KCNH1: variants seen among roughly 807,000 people sequenced by gnomAD.
KCNH1 encodes voltage-gated delayed rectifier potassium channel KCNH1.
A neutral mutation model predicts 69.2 loss-of-function variants in KCNH1; 27 were observed. The ratio of observed to expected loss-of-function variants is 0.39; its 90% CI spans 0.29 to 0.54. The LOEUF is 0.54. Ranked by LOEUF, KCNH1 falls within the 20% of genes least tolerant of loss-of-function variation. KCNH1 has a pLI of 0.68. For synonymous variants in KCNH1, 456 were observed against 487.7 expected (o/e 0.93, Z 0.86); for missense variants, 798 against 1,261.6 (o/e 0.63, Z 5.57).
intron 7 of KCNH1, among the ~76,000 whole-genome samples, chr1:210,872,258 G>A (rs1686269713): frequency 6.6e-6 from 1 of 151,210 alleles, no homozygotes; most frequent in Non-Finnish European, 1.5e-5. Context: ...TGACAATAAT[G>A]ATGATTAAAA....
intron 10 of KCNH1, among the ~76,000 whole-genome samples, chr1:210,698,443 C>T (rs1251042618): frequency 6.6e-6 from 1 of 152,126 alleles, no homozygotes; most frequent in East Asian, 1.9e-4. Flanking sequence ...AGAATAGATA[C>T]ACCATAACCA....
At chr1:210,725,528 C>T (rs1414798193) in intron 10 of KCNH1, among the ~76,000 whole-genome samples, 2 of 152,122 alleles carry the variant, frequency 1.3e-5, no homozygotes, top group African/African-American at 4.8e-5. Flanking sequence ...TCTCTCAACT[C>T]AGTCTGGGGG....
At chr1:210,987,817 C>A (rs1688869997) in intron 6 of KCNH1, among the ~76,000 whole-genome samples, 1 of 152,206 alleles carries the variant, frequency 6.6e-6, no homozygotes, top group Non-Finnish European at 1.5e-5. Context: ...AGCTGTCAGA[C>A]AGGGATATTT....
chr1:210,981,919 C>G (rs1177764467), intron 6 of KCNH1, among the ~76,000 whole-genome samples: 1 of 152,036 alleles, frequency 6.6e-6, no homozygotes, highest in Non-Finnish European at 1.5e-5. Flanking sequence ...TATGTGGGCA[C>G]ATGTGTGTTA....
At chr1:211,034,842 C>T (rs1172699293) in intron 5 of KCNH1, among the ~76,000 whole-genome samples, 1 of 152,162 alleles carries the variant, frequency 6.6e-6, no homozygotes, top group South Asian at 2.1e-4. Flanking sequence ...AGTAAACAGA[C>T]ACCTGCTGTT....
Position 210,775,335 on chromosome 1 carries a change from AC to A in KCNH1, c.2112+12del. On this transcript the variant is annotated intron_variant, in intron 10 of 10. Transcript: ENST00000271751. Reference sequence around the variant, plus strand: ...CTGTTCTTTGTGGAAAATAACTGAAACTTTTAGCTCACCCTCTTCCTCAAGT... The same window carrying A: ...CTGTTCTTTGTGGAAAATAACTGAAATTTTAGCTCACCCTCTTCCTCAAGT... The A allele has an allele frequency of 6.2e-7, 1 of 1,612,210 alleles. No individual in the cohort carries two copies. The highest frequency in any genetic ancestry group is 8.5e-7 in the Non-Finnish European group (1 of 1,178,534).
chr1:210,943,493 C>T (rs111496731), intron 6 of KCNH1, among the ~76,000 whole-genome samples: 9,046 of 152,046 alleles, frequency 0.059, 339 homozygotes, highest in East Asian at 0.18. Context: ...GGAATACCGG[C>T]GCACACCGCC....
Position 210,740,044 on chromosome 1 carries a change from T to A in KCNH1, c.2112+35304A>T, listed in dbSNP as rs548666446. On this transcript the variant is annotated intron_variant, in intron 10 of 10. Transcript: ENST00000271751. ...GGACTCTATAGAGTTAAATGTAGAG[T>A]GGCTAGAGGGACAGGAGCTAAGTAA... Among the ~76,000 whole-genome samples, 11 of 151,936 alleles carry A rather than the reference T, an allele frequency of 7.2e-5. No individual in the cohort carries two copies. The South Asian group carries it at 2.1e-3, about 29-fold the overall frequency.
At chr1:210,799,588 T>C (rs967865690) in intron 8 of KCNH1, among the ~76,000 whole-genome samples, 3 of 152,202 alleles carry the variant, frequency 2.0e-5, no homozygotes, top group African/African-American at 7.2e-5. Context: ...GCATTAAGTA[T>C]GGACACCTTC....
rs548903093 is a variant in KCNH1, at chr1:210,828,035, G to T, written c.1463-23869C>A. Among the ~76,000 whole-genome samples the T allele has an allele frequency of 4.6e-5, 7 of 152,164 alleles. No individual in the cohort carries two copies. The East Asian group carries it at 1.4e-3, about 30-fold the overall frequency. On this transcript the variant is annotated intron_variant, in intron 7 of 10. Transcript: ENST00000271751. ...TTTTTGTATTTTTATTAGAGATGCG[G>T]TTTCACCATGTTGGCCAGGCTGGTC...
chr1:211,096,338 A>G (rs1203656545), intron 3 of KCNH1, among the ~76,000 whole-genome samples: 1 of 152,060 alleles, frequency 6.6e-6, no homozygotes, highest in Non-Finnish European at 1.5e-5. Context: ...TGCTGTGATT[A>G]CAGGTGTGAG....
chr1:210,830,195 C>T (rs1685128256), intron 7 of KCNH1, among the ~76,000 whole-genome samples: 1 of 152,196 alleles, frequency 6.6e-6, no homozygotes, highest in South Asian at 2.1e-4. Flanking sequence ...CACTCCCTCT[C>T]CCTGAAATGC....
intron 5 of KCNH1, among the ~76,000 whole-genome samples, chr1:211,038,478 C>T (rs1304968756): frequency 6.6e-6 from 1 of 152,136 alleles, no homozygotes; most frequent in African/African-American, 2.4e-5. Flanking sequence ...AACTTTAGAA[C>T]TGGGTAACAG....
chr1:211,096,137 C>T (rs1203270586), intron 3 of KCNH1, among the ~76,000 whole-genome samples: 1 of 152,090 alleles, frequency 6.6e-6, no homozygotes, highest in East Asian at 1.9e-4. Flanking sequence ...AATCTCAGCT[C>T]ACTGCAACTT....
At chr1:210,923,691 A>C (rs199548736) in intron 6 of KCNH1, among the ~76,000 whole-genome samples, 1 of 152,236 alleles carries the variant, frequency 6.6e-6, no homozygotes, top group East Asian at 1.9e-4. Context: ...TAAGTATTCT[A>C]TATCCATTAT....
intron 9 of KCNH1, among the ~76,000 whole-genome samples, chr1:210,796,433 C>T (rs180937573): frequency 8.5e-5 from 13 of 152,258 alleles, no homozygotes; most frequent in East Asian, 3.9e-4. Flanking sequence ...ATTATTATGA[C>T]GATGGCTTGC....
At chr1:210,765,221 A>G (rs935487966) in intron 10 of KCNH1, among the ~76,000 whole-genome samples, 2 of 152,054 alleles carry the variant, frequency 1.3e-5, no homozygotes, top group African/African-American at 2.4e-5. Flanking sequence ...GGGTGGGGGT[A>G]CAGAAGGGTC....
chr1:210,734,328 G>A (rs1361728280), intron 10 of KCNH1, among the ~76,000 whole-genome samples: 1 of 152,110 alleles, frequency 6.6e-6, no homozygotes, highest in Non-Finnish European at 1.5e-5. Flanking sequence ...GACCTCATCA[G>A]AAGCTGTCTC....
At chr1:211,008,510 A>AC (rs56893601) in intron 6 of KCNH1, among the ~76,000 whole-genome samples, 3,632 of 152,352 alleles carry the variant, frequency 0.024, 152 homozygotes, top group African/African-American at 0.083. Flanking sequence ...AGCTACTGAC[A>AC]CACTCAATAT....
Sources: allele counts gnomAD v4.1 joint callset (sites outside exome capture counted in the v4.1 genomes callset), GRCh38; gene constraint gnomAD v4.1.1; transcripts MANE v1.5; gene names NCBI Gene and HGNC (gene_info 2026-07-23, HGNC 2026-07-21).